Variants in MCF2 observed in about 807,000 individuals in gnomAD.
The protein encoded by MCF2 is MCF.2 cell line derived transforming sequence.
MCF2 carries 44 observed loss-of-function variants against 82.5 expected under a neutral mutation model. The ratio of observed to expected loss-of-function variants is 0.53; its 90% CI spans 0.42 to 0.69. MCF2 has a LOEUF of 0.69. Among genes scored for constraint, MCF2 ranks in the 30% least tolerant of loss-of-function variants. The pLI is 0.00. For missense variants in MCF2, 623 were observed against 663.1 expected (o/e 0.94, Z 0.66); for synonymous variants, 217 against 224.9 (o/e 0.96, Z 0.32).
intron 21 of MCF2, 110 bp from the exon 26 acceptor site, chrX:139,587,898 C>T (rs1441761331): frequency 4.3e-6 from 2 of 468,036 alleles, no homozygotes; most frequent in African/African-American, 2.4e-5. Flanking sequence ...CACACGCATC[C>T]TTGCCATTAG....
chrX:139,692,081 G>A (rs1273000186), intron 1 of MCF2: 2 of 1,163,103 alleles, frequency 1.7e-6, no homozygotes, highest in Admixed American at 2.6e-5. Flanking sequence ...GGATCCTGCC[G>A]CAGGACACTG....
chrX:139,676,133 T>G (rs753575034), intron 1 of MCF2, among the ~76,000 whole-genome samples: 2 of 112,725 alleles, frequency 1.8e-5, no homozygotes, highest in Admixed American at 9.3e-5. Context: ...CTGAGCCAGG[T>G]GTGAGATATA....
chrX:139,629,334 A>G (rs1932844384), intron 4 of MCF2, among the ~76,000 whole-genome samples: 2 of 112,224 alleles, frequency 1.8e-5, no homozygotes, highest in Non-Finnish European at 3.8e-5. Context: ...TACAGTAAAA[A>G]TATGGTACAA....
intron 1 of MCF2, among the ~76,000 whole-genome samples, chrX:139,658,536 A>G (rs564104714): frequency 7.2e-5 from 8 of 111,270 alleles, no homozygotes; most frequent in African/African-American, 2.6e-4. Flanking sequence ...GCAGTTATTA[A>G]CAAGGAAACT....
chrX:139,629,769 TCTCA>T lies in MCF2; in HGVS notation c.360_363del (p.Glu121GlnfsTer10). 8.3e-7 allele frequency: 1 copy of T among 1,207,746 alleles called. No homozygotes were observed. The highest frequency in any genetic ancestry group is 1.1e-6 in the Non-Finnish European group (1 of 892,307). On this transcript the variant is annotated frameshift_variant, in exon 4 of 25. Transcript: ENST00000370576. LOFTEE classifies it high-confidence loss of function. Reference sequence around the variant, plus strand: ...GAGGGAATATCATCTGGTAGTTCTGTCTCAGCCAGTTCAGTTCCAAAGGACTGTA... The same window carrying T: ...GAGGGAATATCATCTGGTAGTTCTGTGCCAGTTCAGTTCCAAAGGACTGTA...
intron 16 of MCF2, among the ~76,000 whole-genome samples, chrX:139,601,615 C>A (rs1734653809): frequency 9.0e-6 from 1 of 110,854 alleles, no homozygotes; most frequent in South Asian, 3.8e-4. Flanking sequence ...TGTGTTCCAC[C>A]AAACAAGGGA....
At chrX:139,615,152 G>C (rs746224967) in intron 9 of MCF2, 100 bp from the exon 13 acceptor site, 10 of 594,653 alleles carry the variant, frequency 1.7e-5, no homozygotes, top group Non-Finnish European at 2.7e-5. Context: ...AAATAATTTA[G>C]AGTTTAAAAT....
At chrX:139,675,844 T>C (rs1242748464) in intron 1 of MCF2, among the ~76,000 whole-genome samples, 1 of 112,521 alleles carries the variant, frequency 8.9e-6, no homozygotes, top group Non-Finnish European at 1.9e-5. Context: ...GGAGAACCAC[T>C]GCTCTCTTCA....
chrX:139,674,445 T>C (rs758005403), intron 1 of MCF2, among the ~76,000 whole-genome samples: 63 of 112,073 alleles, frequency 5.6e-4, no homozygotes, highest in Non-Finnish European at 1.1e-3. Flanking sequence ...GGCATGTTTT[T>C]TGCAGTGGTT....
Position 139,588,340 on chromosome X carries a change from G to A in MCF2, c.2449+20C>T, listed in dbSNP as rs762243882. On this transcript the variant is annotated intron_variant, in intron 21 of 24. Transcript: ENST00000370576. ...CTGTTACTATACTTCTTGTTCTGAA[G>A]AATGCAGGCTTGAATTTACCTGTCA... is the stretch of plus-strand genomic sequence containing the variant. 1.3e-5 allele frequency: 15 copies of A among 1,166,632 alleles called. No individual in the cohort carries two copies. The highest frequency in any genetic ancestry group is 5.4e-5 in the African/African-American group (3 of 56,037).
chrX:139,654,892 G>A (rs1259932235), intron 1 of MCF2, among the ~76,000 whole-genome samples: 1 of 111,866 alleles, frequency 8.9e-6, no homozygotes, highest in Non-Finnish European at 1.9e-5. Flanking sequence ...ATCATTTATT[G>A]AAAATATTTC....
chrX:139,694,699 T>C (rs762472264), intron 1 of MCF2, among the ~76,000 whole-genome samples: 16 of 111,412 alleles, frequency 1.4e-4, no homozygotes, highest in Non-Finnish European at 2.6e-4. Flanking sequence ...TTGACAAAAG[T>C]TTGTATGCAA....
At chrX:139,604,623 G>A (rs1283276549) in intron 15 of MCF2, 58 bp downstream of exon 19, 1 of 753,113 alleles carries the variant, frequency 1.3e-6, no homozygotes, top group African/African-American at 2.2e-5. Context: ...GTTCTTATAA[G>A]TGAGTTGCTA....
At chrX:139,699,425 A>T (rs768293342) in intron 1 of MCF2, among the ~76,000 whole-genome samples, 12 of 112,123 alleles carry the variant, frequency 1.1e-4, no homozygotes, top group Middle Eastern at 4.6e-3. Flanking sequence ...ATTCACAGAG[A>T]TGTACAACCA....
intron 4 of MCF2, among the ~76,000 whole-genome samples, chrX:139,628,551 C>T (rs886370097): frequency 4.5e-5 from 5 of 111,412 alleles, no homozygotes; most frequent in Non-Finnish European, 9.4e-5. Flanking sequence ...CAGGATCATT[C>T]GTACACCAAA....
intron 1 of MCF2, among the ~76,000 whole-genome samples, chrX:139,696,412 T>A (rs1320399551): frequency 9.3e-6 from 1 of 107,388 alleles, no homozygotes; most frequent in Non-Finnish European, 1.9e-5. Context: ...CTTTTCTTTT[T>A]GTTTGAGACA....
intron 1 of MCF2, among the ~76,000 whole-genome samples, chrX:139,688,463 A>G (rs1210755148): frequency 8.9e-6 from 1 of 111,877 alleles, no homozygotes; most frequent in African/African-American, 3.2e-5. Flanking sequence ...TAGATGACCC[A>G]TCATCATTGA....
intron 1 of MCF2, among the ~76,000 whole-genome samples, chrX:139,638,197 C>T (rs1933349027): frequency 9.0e-6 from 1 of 111,527 alleles, no homozygotes; most frequent in Non-Finnish European, 1.9e-5. Context: ...TTTTCAAGAC[C>T]TTCTAGCACA....
At chrX:139,618,031 T>C (rs1412579573) in intron 7 of MCF2, among the ~76,000 whole-genome samples, 1 of 110,938 alleles carries the variant, frequency 9.0e-6, no homozygotes, top group African/African-American at 3.3e-5. Context: ...GGATTTAGAA[T>C]AGAACCACCT....
Sources: allele counts gnomAD v4.1 joint callset (sites outside exome capture counted in the v4.1 genomes callset), GRCh38; gene constraint gnomAD v4.1.1; transcripts MANE v1.5; gene names NCBI Gene and HGNC (gene_info 2026-07-23, HGNC 2026-07-21).